NACC2: variants seen among roughly 807,000 people sequenced by gnomAD.
NACC2 encodes NACC family member 2, also known as nucleus accumbens-associated protein 2.
In NACC2, 8 loss-of-function variants were observed where a neutral mutation model predicts 25.1. That is an observed-to-expected ratio of 0.32 (90% CI 0.19 to 0.57). The LOEUF is 0.57. Among genes scored for constraint, NACC2 ranks in the 20% least tolerant of loss-of-function variants. NACC2 has a pLI of 0.89. For missense variants in NACC2, 644 were observed against 650.2 expected (o/e 0.99, Z 0.10); for synonymous variants, 435 against 294.7 (o/e 1.48, Z -4.88).
chr9:136,028,262 C>T (rs988620823), intron 2 of NACC2, among the ~76,000 whole-genome samples: 3 of 151,358 alleles, frequency 2.0e-5, no homozygotes, highest in African/African-American at 7.3e-5. Flanking sequence ...CATTACACAA[C>T]AGGTTCTACA....
intron 1 of NACC2, among the ~76,000 whole-genome samples, chr9:136,090,805 G>T (rs568939006): frequency 1.2e-4 from 18 of 151,096 alleles, no homozygotes; most frequent in Non-Finnish European, 2.4e-4. Flanking sequence ...GGCTGCCCTC[G>T]GGGCCCCGGT....
intron 1 of NACC2, among the ~76,000 whole-genome samples, chr9:136,067,347 C>T (rs1227187003): frequency 2.0e-5 from 3 of 151,534 alleles, no homozygotes; most frequent in African/African-American, 7.3e-5. Flanking sequence ...ATGAGAATGA[C>T]TACTAAAGGG....
intron 1 of NACC2, among the ~76,000 whole-genome samples, chr9:136,082,216 C>T (rs2131186586): frequency 6.6e-6 from 1 of 152,328 alleles, no homozygotes; most frequent in African/African-American, 2.4e-5. Context: ...TCCCCAGGGT[C>T]TTCACCCTCA....
rs945593252 is a variant in NACC2, at chr9:136,022,028, C to T, written c.887-5599G>A. ...AGGTCGGGCTACACACCTGTCCCCA[C>T]GGGGGCAGCCTGCACGACTCTAGGT... On this transcript the variant is annotated intron_variant, in intron 2 of 5. Coordinates refer to ENST00000277554, the MANE Select transcript of NACC2 (RefSeq NM_144653.5). The surrounding 1 kb of genome is among the most constrained non-coding windows in gnomAD (Gnocchi z 4.4). Among the ~76,000 whole-genome samples, 4 of 152,130 alleles carry T rather than the reference C, an allele frequency of 2.6e-5. No individual in the cohort carries two copies. Among genetic ancestry groups the T allele is most frequent in the African/African-American group, 4.8e-5 (2 of 41,432 alleles).
chr9:136,051,085 C>T (rs1425235686), intron 1 of NACC2, among the ~76,000 whole-genome samples: 4 of 152,216 alleles, frequency 2.6e-5, no homozygotes, highest in Admixed American at 6.5e-5. Flanking sequence ...TTTGCTTTCC[C>T]TCTCTTCCCT....
intron 1 of NACC2, among the ~76,000 whole-genome samples, chr9:136,061,754 G>T (rs893606868): frequency 6.6e-6 from 1 of 152,092 alleles, no homozygotes; most frequent in Non-Finnish European, 1.5e-5. Context: ...GCGGGGACAA[G>T]CACATGAAGC....
intron 2 of NACC2, among the ~76,000 whole-genome samples, chr9:136,044,947 G>T (rs1331716499): frequency 1.3e-5 from 2 of 152,294 alleles, no homozygotes; most frequent in Middle Eastern, 3.4e-3. Flanking sequence ...GACCTTGCAG[G>T]TCACCCTGAA....
intron 1 of NACC2, among the ~76,000 whole-genome samples, chr9:136,056,621 G>A (rs938022538): frequency 6.6e-5 from 10 of 152,356 alleles, no homozygotes; most frequent in African/African-American, 2.2e-4. Flanking sequence ...GGAAAGGGGC[G>A]CAAAGGCCCC....
intron 1 of NACC2, among the ~76,000 whole-genome samples, chr9:136,080,665 T>G (rs890764486): frequency 1.3e-5 from 2 of 152,008 alleles, no homozygotes; most frequent in African/African-American, 4.8e-5. Context: ...GGAAGGACAC[T>G]CCACGGAGCT....
chr9:136,085,687 G>A (rs911913723), intron 1 of NACC2, among the ~76,000 whole-genome samples: 2 of 152,190 alleles, frequency 1.3e-5, no homozygotes, highest in African/African-American at 4.8e-5. Context: ...GGTATGCAGG[G>A]GAGGTTTACC....
chr9:136,081,155 G>A lies in NACC2; in HGVS notation c.-60+14034C>T, dbSNP rs1830319684. Among the ~76,000 whole-genome samples, 5 of 152,238 alleles carry A rather than the reference G, an allele frequency of 3.3e-5. No homozygotes were observed. The South Asian group carries it at 8.3e-4, about 25-fold the overall frequency. Reference sequence around the variant, plus strand: ...CCAGAGGAGGAAGCCCAGACCAAACGGACCCTCAGTGGCCACTCGGGGACT... The same window carrying A: ...CCAGAGGAGGAAGCCCAGACCAAACAGACCCTCAGTGGCCACTCGGGGACT... On this transcript the variant is annotated intron_variant, in intron 1 of 5. Coordinates refer to ENST00000277554, the MANE Select transcript of NACC2 (RefSeq NM_144653.5).
chr9:136,040,603 A>G (rs926923003), intron 2 of NACC2, among the ~76,000 whole-genome samples: 2 of 152,332 alleles, frequency 1.3e-5, no homozygotes, highest in South Asian at 2.1e-4. Flanking sequence ...ACATTCCAAA[A>G]GTCCATCCAC....
chr9:136,030,291 T>C (rs1177762747), intron 2 of NACC2, among the ~76,000 whole-genome samples: 1 of 152,116 alleles, frequency 6.6e-6, no homozygotes, highest in Non-Finnish European at 1.5e-5. Context: ...CTCATCCCTG[T>C]TGTAGACATT....
chr9:136,011,640 G>C lies in NACC2; in HGVS notation c.1640C>G (p.Pro547Arg). 7.2e-7 allele frequency: 1 copy of C among 1,397,766 alleles called. No homozygotes were observed. 86.6% of individuals were successfully genotyped at this position (1,397,766 alleles called of 1,614,324 possible). A position where few individuals can be genotyped will look rare whatever the true frequency, so the allele number is the denominator to read the frequency against. Residue 547 changes from proline (P) to arginine (R), a missense_variant, in exon 6 of 6, where the codon CCG becomes CGG. Transcript: ENST00000277554. Reference protein sequence around the residue: ...SVIQEVAAPEPLPADGQSPPQ... With the variant: ...SVIQEVAAPERLPADGQSPPQ... ...GGGGCTCTGGCCATCGGCGGGCAGC[G>C]GCTCGGGGGCGGCCACCTCCTGGAT...
chr9:136,024,525 G>A lies in NACC2; in HGVS notation c.887-8096C>T, dbSNP rs1353270848. Among the ~76,000 whole-genome samples the A allele has an allele frequency of 4.2e-5, 6 of 144,214 alleles. 1 individual carries two copies. The Admixed American group carries it at 4.2e-4, about 10-fold the overall frequency. The allele number at this position is 144,214 out of a possible 152,430, so 94.6% of individuals were successfully genotyped here. A position where few individuals can be genotyped will look rare whatever the true frequency, so the allele number is the denominator to read the frequency against. ...AGAATGTGTGTGTGTGTGTGTGTGTGTGTGTGTGGACAGTGTGTGTGAGGA... is the reference window on the plus strand; with the variant it reads ...AGAATGTGTGTGTGTGTGTGTGTGTATGTGTGTGGACAGTGTGTGTGAGGA... On this transcript the variant is annotated intron_variant, in intron 2 of 5. Coordinates refer to ENST00000277554, the MANE Select transcript of NACC2 (RefSeq NM_144653.5).
chr9:136,053,013 C>T (rs1317480590), intron 1 of NACC2, among the ~76,000 whole-genome samples: 1 of 152,252 alleles, frequency 6.6e-6, no homozygotes, highest in Admixed American at 6.5e-5. Context: ...CCAGGAAGAG[C>T]ACATTCCACC....
At chr9:136,059,864 G>T (rs1422426859) in intron 1 of NACC2, among the ~76,000 whole-genome samples, 3 of 152,144 alleles carry the variant, frequency 2.0e-5, no homozygotes, top group East Asian at 1.9e-4. Flanking sequence ...CCGTCAAAAG[G>T]ACCCCAACCC....
intron 1 of NACC2, among the ~76,000 whole-genome samples, chr9:136,069,275 G>A (rs976616996): frequency 5.9e-5 from 9 of 151,590 alleles, no homozygotes; most frequent in South Asian, 2.1e-4. Flanking sequence ...GACTGGGCGC[G>A]GTGGCTCACA....
chr9:136,013,803 T>C lies in NACC2; in HGVS notation c.1157+61A>G. 1 of 1,432,544 alleles carries C rather than the reference T, an allele frequency of 7.0e-7. No individual in the cohort carries two copies. The allele number at this position is 1,432,544 out of a possible 1,614,324, so 88.7% of individuals were successfully genotyped here. ...CCTGGACGATCAGACAGCTCATAGC[T>C]AAAGGAGCCAGAACCCTCCGCAGCT... On this transcript the variant is annotated intron_variant, in intron 4 of 5. Coordinates refer to ENST00000277554, the MANE Select transcript of NACC2 (RefSeq NM_144653.5). This position sits in a 1 kb window ranked among gnomAD's most constrained non-coding sequence, Gnocchi z 6.6.
Sources: allele counts gnomAD v4.1 joint callset (sites outside exome capture counted in the v4.1 genomes callset), GRCh38; gene constraint gnomAD v4.1.1; non-coding constraint Gnocchi (gnomAD v3.1); transcripts MANE v1.5; gene names NCBI Gene and HGNC (gene_info 2026-07-23, HGNC 2026-07-21).